The following ZNF648 variants were observed in gnomAD, a reference collection of about 807,000 sequenced individuals.
ZNF648 encodes zinc finger protein 648.
A neutral mutation model predicts 0.3 loss-of-function variants in ZNF648; 1 was observed. The ratio of observed to expected loss-of-function variants is 3.90; its 90% CI spans 1.39 to 18.51. The LOEUF is 18.51. ZNF648 is among the 30% of genes most tolerant of loss of function. The pLI, the probability that ZNF648 is intolerant of heterozygous loss-of-function variation, is 0.11. For synonymous variants in ZNF648, 376 were observed against 326.8 expected, an observed-to-expected ratio of 1.15 and a Z score of -1.62; for missense variants, 874 against 769.7, an observed-to-expected ratio of 1.14 and a Z score of -1.60.
At chr1:182,064,387 C>G (rs946996245), upstream of ZNF648, 2 of 151,898 alleles carry the variant, frequency 1.3e-5, no homozygotes, top group Non-Finnish European at 2.9e-5. Context: ...CTTTTATATC[C>G]CTGTGGCCCT....
At chr1:182,059,501 T>A (rs1162489288) in intron 1 of ZNF648, among the ~76,000 whole-genome samples, 1 of 152,142 alleles carries the variant, frequency 6.6e-6, no homozygotes, top group East Asian at 1.9e-4. Context: ...CTTCTGAGAA[T>A]CCCAGAGGGG....
At chr1:182,058,809 A>C (rs1312123125) in intron 1 of ZNF648, among the ~76,000 whole-genome samples, 1 of 152,000 alleles carries the variant, frequency 6.6e-6, no homozygotes, top group Non-Finnish European at 1.5e-5. Context: ...GAGAGTTTAC[A>C]TTTTATGTCT....
chr1:182,057,912 T>C lies in ZNF648; in HGVS notation c.99A>G (p.Leu33=), dbSNP rs1255954805. ...AHDTQMLSMN[L]ESDDEDGGEA... is the part of the protein sequence containing the mutation. ...CCCCACCATCTTCATCGTCACTCTC[T>C]AAGTTCATGCTCAGCATCTGGGTGT... The change falls in exon 2 of 2, where the codon TTA becomes TTG. Residue 33 remains leucine (L), a synonymous_variant. Coordinates refer to ENST00000339948, the MANE Select transcript of ZNF648 (RefSeq NM_001009992.1). The C allele has an allele frequency of 6.2e-7, 1 of 1,613,954 alleles. No individual in the cohort carries two copies. The highest frequency in any genetic ancestry group is 2.2e-5 in the East Asian group (1 of 44,866).
At position 182,058,091 on chromosome 1, in the gene ZNF648, C is replaced by T. The variant is rs371034982; in HGVS notation, c.-63-18G>A. The T allele has an allele frequency of 1.3e-5, 19 of 1,487,944 alleles. No homozygotes were observed. Among genetic ancestry groups the T allele is most frequent in the African/African-American group, 1.1e-4 (8 of 70,936 alleles). 92.2% of individuals were successfully genotyped at this position (1,487,944 alleles called of 1,614,324 possible). Reference sequence around the variant, plus strand: ...CAGGATACCTGCAAAAAGAAAAGTACGAAGAGAAAATCACAAAGAATGTAC... The same window carrying T: ...CAGGATACCTGCAAAAAGAAAAGTATGAAGAGAAAATCACAAAGAATGTAC... On this transcript the variant is annotated intron_variant, in intron 1 of 1. Coordinates refer to ENST00000339948, the MANE Select transcript of ZNF648 (RefSeq NM_001009992.1).
At position 182,056,429 on chromosome 1, in the gene ZNF648, C is replaced by A; in HGVS notation, c.1582G>T (p.Gly528Ter). The change falls in exon 2 of 2, where the codon GGA (glycine) becomes TGA (stop). Residue 528 changes from glycine (G) to a stop codon, truncating the protein, a stop_gained. Coordinates refer to ENST00000339948, the MANE Select transcript of ZNF648 (RefSeq NM_001009992.1). LOFTEE classifies it low-confidence loss of function (END_TRUNC). Reference protein sequence around the residue: ...ELAQHIRMHNGERPYQCEDCG... With the variant: ...ELAQHIRMHN ...TCCTCACACTGGTAGGGCCTCTCTC[C>A]GTTGTGCATTCGTATGTGCTGGGCC... 6.2e-7 allele frequency: 1 copy of A among 1,614,084 alleles called. No individual in the cohort carries two copies. The highest frequency in any genetic ancestry group is 8.5e-7 in the Non-Finnish European group (1 of 1,179,984).
upstream of ZNF648, among the ~76,000 whole-genome samples, chr1:182,065,430 C>A (rs1427147548): frequency 6.6e-6 from 1 of 152,206 alleles, no homozygotes; most frequent in Admixed American, 6.5e-5. Flanking sequence ...ATCACCTATT[C>A]CTCATTCAGC....
At position 182,057,194 on chromosome 1, in the gene ZNF648, C is replaced by T. The variant is rs536914513; in HGVS notation, c.817G>A (p.Gly273Ser). The part of the protein sequence containing the change: ...SKPLSPAETR[G>S]GAAKRYACEL... ...CACGCGTAGCGCTTGGCGGCGCCGC[C>T]GCGCGTCTCCGCGGGGCTCAGCGGC... is the stretch of plus-strand genomic sequence containing the variant. Residue 273 changes from glycine (G) to serine (S), a missense_variant, in exon 2 of 2, where the codon GGC becomes AGC. Physicochemically the swap from Gly to Ser is moderately conservative, Grantham distance 56 (BLOSUM62 0). Transcript: ENST00000339948. 7 of 1,573,524 alleles carry T rather than the reference C, an allele frequency of 4.4e-6. No homozygotes were observed. Among genetic ancestry groups the T allele is most frequent in the Non-Finnish European group, 3.4e-6 (4 of 1,165,720 alleles).
chr1:182,058,974 C>T (rs183664716), intron 1 of ZNF648, among the ~76,000 whole-genome samples: 1 of 152,276 alleles, frequency 6.6e-6, no homozygotes, highest in East Asian at 1.9e-4. Flanking sequence ...AGGTGCCCAC[C>T]ACCATGCCCG....
chr1:182,062,914 G>A (rs1448208489), upstream of ZNF648: 2 of 152,022 alleles, frequency 1.3e-5, no homozygotes, highest in African/African-American at 2.4e-5. Context: ...GTGTCCATGT[G>A]TTCTCACTGT....
In ZNF648 at chr1:182,057,495, CT is replaced by C. The variant is rs1314201384; in HGVS notation, c.515del (p.Lys172SerfsTer9). Reference sequence around the variant, plus strand: ...CTACACTTTTGTGCGCACAGAGATACTTTCCATTGCTGGGGAAGCTGGGTGG... The same window carrying C: ...CTACACTTTTGTGCGCACAGAGATACTTCCATTGCTGGGGAAGCTGGGTGG... ...DVPPSFPSNG[K>X]YLCAHKSVDT... On this transcript the variant is annotated frameshift_variant, in exon 2 of 2. Transcript: ENST00000339948. LOFTEE classifies it low-confidence loss of function (END_TRUNC). 1 of 1,614,134 alleles carries C rather than the reference CT, an allele frequency of 6.2e-7. No individual in the cohort carries two copies.
chr1:182,058,984 G>A (rs749933803), intron 1 of ZNF648, among the ~76,000 whole-genome samples: 6 of 152,000 alleles, frequency 3.9e-5, no homozygotes, highest in Non-Finnish European at 8.8e-5. Flanking sequence ...CACCATGCCC[G>A]GCTAATTTTT....
At chr1:182,061,436 C>T (rs1484735677) in intron 1 of ZNF648, 132 bp downstream of exon 1, 1 of 152,410 alleles carries the variant, frequency 6.6e-6, no homozygotes, top group Non-Finnish European at 1.5e-5. Flanking sequence ...CAGCCCATAC[C>T]CCTCTTCTTT....
upstream of ZNF648, among the ~76,000 whole-genome samples, chr1:182,066,415 T>C (rs1293717041): frequency 6.6e-6 from 1 of 152,242 alleles, no homozygotes; most frequent in Admixed American, 6.5e-5. Flanking sequence ...ACAGTGTGAA[T>C]GGTTGGTGAG....
chr1:182,069,339 A>T, the ZNF648 span: 1 of 152,254 alleles, frequency 6.6e-6, no homozygotes, highest in African/African-American at 2.4e-5. Context: ...GAGGTAATTC[A>T]CAGGAGATGT....
intron 1 of ZNF648, among the ~76,000 whole-genome samples, chr1:182,060,153 A>G (rs913814225): frequency 6.6e-6 from 1 of 152,184 alleles, no homozygotes. Flanking sequence ...CCCTGCTTTC[A>G]TTGACCCAGA....
Position 182,057,331 on chromosome 1 carries a change from G to T in ZNF648, c.680C>A (p.Ala227Glu). 6.2e-7 allele frequency: 1 copy of T among 1,608,754 alleles called. No individual in the cohort carries two copies. The highest frequency in any genetic ancestry group is 8.5e-7 in the Non-Finnish European group (1 of 1,179,658). Residue 227 changes from alanine (A) to glutamate (E), a missense_variant, in exon 2 of 2, where the codon GCG (alanine) becomes GAG (glutamate). By Grantham distance (107) the Ala-to-Glu change is moderately radical. Coordinates refer to ENST00000339948, the MANE Select transcript of ZNF648 (RefSeq NM_001009992.1). ...GTTCTGTACTTTCCTGCTGTTCCGC[G>T]CTTTTGCCAGGACCGCGGCAGCCAG... is the stretch of plus-strand genomic sequence containing the variant. ...ASLAAAVLAK[A>E]RNSRKVQNQA...
chr1:182,060,646 C>A (rs1666017934), intron 1 of ZNF648, among the ~76,000 whole-genome samples: 1 of 152,060 alleles, frequency 6.6e-6, no homozygotes, highest in Non-Finnish European at 1.5e-5. Flanking sequence ...TGACAGGAGC[C>A]CAGATCTGAC....
chr1:182,066,744 A>C, the ZNF648 span, among the ~76,000 whole-genome samples: 1 of 152,294 alleles, frequency 6.6e-6, no homozygotes, highest in Non-Finnish European at 1.5e-5. Flanking sequence ...AGGGTTGTAA[A>C]ATAATCTGAA....
At position 182,056,988 on chromosome 1, in the gene ZNF648, C is replaced by A. The variant is rs1057065254; in HGVS notation, c.1023G>T (p.Gly341=). ...GGTCCGAAGAGCGCACGAAGGCCTT[C>A]CCGCAGTCTGGACACGGGTAGGGTT... ...GEKPYPCPDC[G]KAFVRSSDLR... is the part of the protein sequence containing the mutation. Residue 341 remains glycine, a synonymous_variant, in exon 2 of 2, where the codon GGG becomes GGT. Coordinates refer to ENST00000339948, the MANE Select transcript of ZNF648 (RefSeq NM_001009992.1). The A allele has an allele frequency of 1.2e-6, 2 of 1,613,728 alleles. No homozygotes were observed. Among genetic ancestry groups the A allele is most frequent in the East Asian group, 2.2e-5 (1 of 44,842 alleles).
Sources: allele counts gnomAD v4.1 joint callset (sites outside exome capture counted in the v4.1 genomes callset), GRCh38; gene constraint gnomAD v4.1.1; transcripts MANE v1.5; gene names NCBI Gene and HGNC (gene_info 2026-07-23, HGNC 2026-07-21).